The following CSGALNACT1 variants were observed in gnomAD, a reference collection of about 807,000 sequenced individuals.
The protein encoded by CSGALNACT1 is beta4GalNAcT-1.
Under a neutral mutation model 51.0 loss-of-function variants are expected in CSGALNACT1, and 52 were observed. The observed-to-expected ratio is 1.02, with a 90% CI of 0.82 to 1.29. The LOEUF is 1.29. Ranked by LOEUF, CSGALNACT1 falls within the 50% of genes most tolerant of loss-of-function variation. The probability of loss-of-function intolerance (pLI) is 0.00; values close to 1 mark genes in which losing one functional copy is unlikely to be tolerated. For missense variants in CSGALNACT1, 935 were observed against 679.2 expected (o/e 1.38, Z -4.19); for synonymous variants, 341 against 254.4 (o/e 1.34, Z -3.24).
At chr8:19,450,889 T>G (rs1007185030) in intron 5 of CSGALNACT1, among the ~76,000 whole-genome samples, 1 of 151,728 alleles carries the variant, frequency 6.6e-6, no homozygotes, top group East Asian at 1.9e-4. Context: ...CAGACTGGGC[T>G]ACTGAGCTTT....
intron 1 of CSGALNACT1, among the ~76,000 whole-genome samples, chr8:19,608,262 C>T (rs1287789561): frequency 6.6e-6 from 1 of 152,104 alleles, no homozygotes; most frequent in African/African-American, 2.4e-5. Context: ...ACGGGGCAGC[C>T]CAACATAACA....
intron 1 of CSGALNACT1, among the ~76,000 whole-genome samples, chr8:19,736,245 G>A (rs964798815): frequency 6.6e-6 from 1 of 152,094 alleles, no homozygotes; most frequent in Non-Finnish European, 1.5e-5. Context: ...TATAAATAAA[G>A]TTTTATTAGA....
chr8:19,520,761 C>A (rs1199880491), intron 3 of CSGALNACT1, among the ~76,000 whole-genome samples: 1 of 152,176 alleles, frequency 6.6e-6, no homozygotes, highest in Non-Finnish European at 1.5e-5. Flanking sequence ...CATGCTATCT[C>A]CATCTTCCTT....
At chr8:19,466,469 G>C (rs12542651) in intron 4 of CSGALNACT1, among the ~76,000 whole-genome samples, 4,734 of 152,104 alleles carry the variant, frequency 0.031, 274 homozygotes, top group African/African-American at 0.11. Flanking sequence ...GTTCAAAAAA[G>C]GAACCGGTAA....
intron 3 of CSGALNACT1, among the ~76,000 whole-genome samples, chr8:19,522,911 G>C (rs1162922940): frequency 6.6e-6 from 1 of 152,190 alleles, no homozygotes; most frequent in African/African-American, 2.4e-5. Flanking sequence ...GGTGAGCGGA[G>C]TTTCCTGATT....
intron 3 of CSGALNACT1, among the ~76,000 whole-genome samples, chr8:19,589,991 A>G (rs2047449327): frequency 6.6e-6 from 1 of 152,228 alleles, no homozygotes; most frequent in African/African-American, 2.4e-5. Context: ...AATACTGCCC[A>G]AGAAGTTAAA....
chr8:19,615,482 A>G (rs1176192597), intron 1 of CSGALNACT1, among the ~76,000 whole-genome samples: 1 of 152,246 alleles, frequency 6.6e-6, no homozygotes, highest in Non-Finnish European at 1.5e-5. Flanking sequence ...AAAACTACAA[A>G]ATCAGCACCA....
At chr8:19,411,242 GCA>G (rs2055650604) in intron 8 of CSGALNACT1, among the ~76,000 whole-genome samples, 1 of 152,152 alleles carries the variant, frequency 6.6e-6, no homozygotes. Flanking sequence ...GCCACTTGCT[GCA>G]CTGGACCCCT....
intron 3 of CSGALNACT1, among the ~76,000 whole-genome samples, chr8:19,544,690 C>G (rs1024390495): frequency 6.6e-6 from 1 of 152,188 alleles, no homozygotes; most frequent in Non-Finnish European, 1.5e-5. Context: ...CTATGCTGAG[C>G]TTAGCTATGC....
chr8:19,419,435 T>C (rs2057519121), intron 7 of CSGALNACT1, among the ~76,000 whole-genome samples: 1 of 152,214 alleles, frequency 6.6e-6, no homozygotes, highest in Non-Finnish European at 1.5e-5. Context: ...GCAGTTGGAC[T>C]AGACTTAGAG....
At chr8:19,467,269 G>A (rs561141275) in intron 4 of CSGALNACT1, among the ~76,000 whole-genome samples, 47 of 151,884 alleles carry the variant, frequency 3.1e-4, no homozygotes, top group African/African-American at 8.0e-4. Flanking sequence ...ACAGGAGCCC[G>A]CCACCATGAC....
At chr8:19,567,631 C>T (rs1215848105) in intron 3 of CSGALNACT1, among the ~76,000 whole-genome samples, 1 of 151,854 alleles carries the variant, frequency 6.6e-6, no homozygotes, top group Non-Finnish European at 1.5e-5. Flanking sequence ...TAAGCCTATG[C>T]AATAAGGCAA....
exon 4 of CSGALNACT1, chr8:19,505,275 G>A: frequency 6.2e-7 from 1 of 1,614,216 alleles, no homozygotes; most frequent in Non-Finnish European, 8.5e-7. Flanking sequence ...GGTCTCCAAG[G>A]CTGATTCAAT....
At chr8:19,606,013 T>C (rs185640903), upstream of CSGALNACT1, among the ~76,000 whole-genome samples, 1,038 of 152,336 alleles carry the variant, frequency 6.8e-3, 14 homozygotes, top group Non-Finnish European at 9.0e-3. Context: ...TCCATCCAGC[T>C]GCCTTAAGTT....
chr8:19,499,321 C>A (rs2076024402), intron 4 of CSGALNACT1, among the ~76,000 whole-genome samples: 1 of 152,118 alleles, frequency 6.6e-6, no homozygotes, highest in Non-Finnish European at 1.5e-5. Flanking sequence ...TCTGCATCTA[C>A]CACCAGACCG....
chr8:19,702,218 A>G (rs1235983745), intron 1 of CSGALNACT1, among the ~76,000 whole-genome samples: 1 of 152,118 alleles, frequency 6.6e-6, no homozygotes, highest in Non-Finnish European at 1.5e-5. Context: ...AAAGGTATTC[A>G]GTGGATCCCT....
intron 3 of CSGALNACT1, among the ~76,000 whole-genome samples, chr8:19,568,045 G>C (rs540382291): frequency 2.1e-4 from 32 of 152,166 alleles, no homozygotes; most frequent in African/African-American, 7.7e-4. Context: ...AAATCAAATT[G>C]GATGTAATCA....
chr8:19,500,779 C>T (rs1370076571), intron 4 of CSGALNACT1, among the ~76,000 whole-genome samples: 2 of 152,196 alleles, frequency 1.3e-5, no homozygotes, highest in African/African-American at 4.8e-5. Context: ...CCCTCTTAGT[C>T]CATTGTGTGC....
chr8:19,686,552 C>T (rs182051432), upstream of CSGALNACT1, among the ~76,000 whole-genome samples: 23 of 152,276 alleles, frequency 1.5e-4, no homozygotes, highest in African/African-American at 5.3e-4. Context: ...ATGCCTGCCT[C>T]CTACCAAGAC....
Sources: gnomAD v4.1 joint callset for allele counts (sites outside exome capture counted in the v4.1 genomes callset) on GRCh38, gnomAD v4.1.1 for gene constraint, MANE v1.5 for transcripts, NCBI Gene and HGNC (gene_info 2026-07-23, HGNC 2026-07-21) for gene names.